STK31: variants seen among roughly 807,000 people sequenced by gnomAD.
STK31 encodes the protein serine/threonine-protein kinase 31.
A neutral mutation model predicts 129.7 loss-of-function variants in STK31; 89 were observed. The observed-to-expected ratio is 0.69, with a 90% confidence interval of 0.58 to 0.82. The LOEUF (loss-of-function observed/expected upper bound fraction) is 0.82. STK31 is among the 40% of genes least tolerant of loss of function. The probability of loss-of-function intolerance (pLI) is 0.00; values close to 1 mark genes in which losing one functional copy is unlikely to be tolerated. For synonymous variants in STK31, 448 were observed against 395.3 expected (o/e 1.13, Z -1.58); for missense variants, 1,187 against 1,176.4 (o/e 1.01, Z -0.13).
At chr7:23,819,447 G>A (rs897709928) in intron 23 of STK31, among the ~76,000 whole-genome samples, 1 of 145,916 alleles carries the variant, frequency 6.9e-6, no homozygotes, top group Non-Finnish European at 1.5e-5. Context: ...AGACAGTCTT[G>A]CTTGGTTGCC....
At chr7:23,781,767 T>C (rs1790940710) in intron 16 of STK31, among the ~76,000 whole-genome samples, 1 of 152,226 alleles carries the variant, frequency 6.6e-6, no homozygotes, top group Non-Finnish European at 1.5e-5. Flanking sequence ...ACTTGTAATA[T>C]TTCCACTCAG....
chr7:23,800,512 C>T (rs1268215883), intron 22 of STK31, among the ~76,000 whole-genome samples: 1 of 151,860 alleles, frequency 6.6e-6, no homozygotes, highest in Non-Finnish European at 1.5e-5. Flanking sequence ...TGTTCTCACT[C>T]ATAAGTGAAC....
intron 23 of STK31, among the ~76,000 whole-genome samples, chr7:23,828,246 T>G (rs1171462411): frequency 6.6e-6 from 1 of 151,592 alleles, no homozygotes. Context: ...CTCCACCCAG[T>G]TTGAGCTTCC....
Position 23,802,213 on chromosome 7 carries a change from A to T in STK31, c.2760+11267A>T, listed in dbSNP as rs539777462. On this transcript the variant is annotated intron_variant, in intron 22 of 23. Coordinates refer to ENST00000355870, the MANE Select transcript of STK31 (RefSeq NM_031414.5). ...TATATTGGAGAAGGGAGTTTGAGGG[A>T]GTTCTTTGGTGTGGCCGCATTCCAG... Among the ~76,000 whole-genome samples the T allele has an allele frequency of 4.6e-5, 7 of 152,172 alleles. No individual in the cohort carries two copies. In the South Asian group the frequency reaches 1.5e-3, roughly 32 times the overall value.
intron 11 of STK31, among the ~76,000 whole-genome samples, chr7:23,768,167 A>G (rs553994931): frequency 1.4e-4 from 22 of 152,314 alleles, no homozygotes; most frequent in African/African-American, 4.8e-4. Flanking sequence ...ATAAAATTAT[A>G]GTACTTAACT....
intron 6 of STK31, 69 bp downstream of exon 6, chr7:23,729,318 A>G (rs2128073961): frequency 1.4e-6 from 2 of 1,390,876 alleles, no homozygotes; most frequent in Non-Finnish European, 1.9e-6. Flanking sequence ...AAATGTAGGT[A>G]TAGTTAAATC....
At position 23,808,981 on chromosome 7, in the gene STK31, G is replaced by C. The variant is rs576864647; in HGVS notation, c.2761-6163G>C. 7.2e-4 allele frequency among the ~76,000 whole-genome samples: 109 copies of C among 151,704 alleles called. 1 individual carries two copies. Among genetic ancestry groups the C allele is most frequent in the Non-Finnish European group, 1.3e-3 (91 of 67,862 alleles). ...TGTGTGTGTGTGTGTGCCTGTGTCT[G>C]TTGGCATTTCTGGGTGGCAGACTTC... On this transcript the variant is annotated intron_variant, in intron 22 of 23. Coordinates refer to ENST00000355870, the MANE Select transcript of STK31 (RefSeq NM_031414.5).
At chr7:23,813,384 G>T (rs1793271096) in intron 22 of STK31, among the ~76,000 whole-genome samples, 1 of 152,106 alleles carries the variant, frequency 6.6e-6, no homozygotes, top group Non-Finnish European at 1.5e-5. Flanking sequence ...TCATTGTGGT[G>T]TTGATTGCAG....
intron 22 of STK31, among the ~76,000 whole-genome samples, chr7:23,794,740 T>C (rs900148131): frequency 6.6e-6 from 1 of 152,158 alleles, no homozygotes; most frequent in East Asian, 1.9e-4. Flanking sequence ...AACGCGACTC[T>C]TGATGTTTTA....
Position 23,832,477 on chromosome 7 carries a change from G to A in STK31, c.*111G>A, listed in dbSNP as rs1794622408. The A allele has an allele frequency of 1.3e-6, 1 of 781,530 alleles. No individual in the cohort carries two copies. The highest frequency in any genetic ancestry group is 2.1e-6 in the Non-Finnish European group (1 of 485,118). The allele number at this position is 781,530 out of a possible 1,614,324, so 48.4% of individuals were successfully genotyped here. A position where few individuals can be genotyped will look rare whatever the true frequency, so the allele number is the denominator to read the frequency against. ...AGTTGAGTTGTATCTTTAGTATTCA[G>A]GTTGTGAAAAATAAAGATGTTTGGC... On this transcript the variant is annotated 3_prime_UTR_variant, in exon 24 of 24. Transcript: ENST00000355870.
At chr7:23,783,503 A>C (rs1791063172) in intron 16 of STK31, 80 bp from the exon 17 acceptor site, 1 of 990,214 alleles carries the variant, frequency 1.0e-6, no homozygotes, top group African/African-American at 1.6e-5. Context: ...GTAGATGCTG[A>C]TATATTTTCC....
chr7:23,814,001 G>A (rs945033723), intron 22 of STK31, among the ~76,000 whole-genome samples: 4 of 152,062 alleles, frequency 2.6e-5, no homozygotes, highest in African/African-American at 9.7e-5. Flanking sequence ...TGACAGGGAG[G>A]TTTCCAGTTG....
Position 23,783,564 on chromosome 7 carries a change from T to A in STK31, c.2068-19T>A. On this transcript the variant is annotated intron_variant, in intron 16 of 23. Transcript: ENST00000355870. ...TATATATTGATCTACAGTTAAAAAC[T>A]TTTTTTTTTTAACTTTAGGAGATGC... The A allele has an allele frequency of 1.7e-6, 1 of 603,274 alleles. No homozygotes were observed. Among genetic ancestry groups the A allele is most frequent in the Non-Finnish European group, 2.3e-6 (1 of 428,310 alleles). 37.4% of individuals were successfully genotyped at this position (603,274 alleles called of 1,614,324 possible).
At chr7:23,788,244 A>C in intron 21 of STK31, 115 bp downstream of exon 21, 1 of 935,778 alleles carries the variant, frequency 1.1e-6, no homozygotes, top group African/African-American at 1.7e-5. Context: ...TCTTCAGTTA[A>C]ACTGTGTCAT....
At chr7:23,827,330 A>G (rs113871795) in intron 23 of STK31, among the ~76,000 whole-genome samples, 3 of 151,658 alleles carry the variant, frequency 2.0e-5, no homozygotes, top group African/African-American at 7.3e-5. Flanking sequence ...TTCTCTTCAC[A>G]CTTCATTTCA....
At chr7:23,713,010 A>G in intron 3 of STK31, among the ~76,000 whole-genome samples, 1 of 152,188 alleles carries the variant, frequency 6.6e-6, no homozygotes, top group Non-Finnish European at 1.5e-5. Context: ...ATATGAGAAG[A>G]AAGTTCTAGA....
chr7:23,787,008 A>G (rs552820229), intron 20 of STK31, 84 bp downstream of exon 20: 52 of 1,358,036 alleles, frequency 3.8e-5, no homozygotes, highest in African/African-American at 2.6e-4. Flanking sequence ...ACTACATGCT[A>G]TGTATTTTGT....
At chr7:23,805,328 G>A (rs558088221) in intron 22 of STK31, among the ~76,000 whole-genome samples, 7 of 152,160 alleles carry the variant, frequency 4.6e-5, no homozygotes, top group South Asian at 2.1e-4. Flanking sequence ...CACCTGCCTC[G>A]GCCTCCCAAA....
intron 10 of STK31, among the ~76,000 whole-genome samples, chr7:23,761,553 T>A (rs1012041968): frequency 1.3e-5 from 2 of 151,994 alleles, no homozygotes; most frequent in South Asian, 2.1e-4. Flanking sequence ...CCCGAGTTGC[T>A]GGGACTACAG....
Sources: allele counts gnomAD v4.1 joint callset (sites outside exome capture counted in the v4.1 genomes callset), GRCh38; gene constraint gnomAD v4.1.1; transcripts MANE v1.5; gene names NCBI Gene and HGNC (gene_info 2026-07-23, HGNC 2026-07-21).